The following CCNB3 variants were observed in gnomAD, a reference collection of about 807,000 sequenced individuals.
The protein encoded by CCNB3 is G2/mitotic-specific cyclin-B3.
CCNB3 carries 12 observed loss-of-function variants against 68.0 expected under a neutral mutation model. That is an observed-to-expected ratio of 0.18 (90% CI 0.11 to 0.29). The LOEUF (loss-of-function observed/expected upper bound fraction) is 0.29. CCNB3 is among the 10% of genes least tolerant of loss of function. The pLI is 1.00. For synonymous variants in CCNB3, 354 were observed against 388.9 expected (o/e 0.91, Z 1.06); for missense variants, 904 against 993.1 (o/e 0.91, Z 1.21).
chrX:50,295,941 C>T (rs1936449296), intron 5 of CCNB3, among the ~76,000 whole-genome samples: 1 of 111,155 alleles, frequency 9.0e-6, no homozygotes, highest in South Asian at 3.8e-4. Flanking sequence ...TAGAAAATAA[C>T]ACGCACAGTC....
At chrX:50,204,042 C>A (rs183443107), upstream of CCNB3, among the ~76,000 whole-genome samples, 1 of 111,695 alleles carries the variant, frequency 9.0e-6, no homozygotes, top group Non-Finnish European at 1.9e-5. Context: ...ATTACCTTTT[C>A]CTATTCCTAG....
At chrX:50,222,524 G>A (rs1387001743) in intron 1 of CCNB3, among the ~76,000 whole-genome samples, 1 of 111,484 alleles carries the variant, frequency 9.0e-6, no homozygotes, top group Admixed American at 9.6e-5. Context: ...CTTTGCTTAT[G>A]AAGCTTAGTT....
intron 5 of CCNB3, among the ~76,000 whole-genome samples, chrX:50,301,574 A>AGGG (rs1482642271): frequency 8.9e-6 from 1 of 112,332 alleles, no homozygotes; most frequent in African/African-American, 3.2e-5. Context: ...TAGGCTACTC[A>AGGG]GGGGTCAGGG....
intron 8 of CCNB3, among the ~76,000 whole-genome samples, chrX:50,337,505 A>G (rs1557219011): frequency 9.0e-6 from 1 of 111,033 alleles, no homozygotes; most frequent in Non-Finnish European, 1.9e-5. Context: ...CCTGGCTTAC[A>G]GGTTCCCCTG....
intron 11 of CCNB3, among the ~76,000 whole-genome samples, chrX:50,348,975 G>T (rs1923539995): frequency 8.9e-6 from 1 of 112,851 alleles, no homozygotes; most frequent in African/African-American, 3.2e-5. Flanking sequence ...AACTAAGATA[G>T]AAATATTTCA....
chrX:50,206,286 T>C (rs1935361889), intron 1 of CCNB3, among the ~76,000 whole-genome samples: 1 of 109,775 alleles, frequency 9.1e-6, no homozygotes, highest in African/African-American at 3.3e-5. Flanking sequence ...TATTACTTGG[T>C]AACAGCTGGG....
chrX:50,346,864 C>T, intron 10 of CCNB3, 57 bp downstream of exon 10: 1 of 1,108,093 alleles, frequency 9.0e-7, no homozygotes, highest in Non-Finnish European at 1.2e-6. Context: ...CTCCTTTATA[C>T]CCAGAGTAGC....
At chrX:50,289,266 G>C (rs189333226) in intron 4 of CCNB3, among the ~76,000 whole-genome samples, 1 of 111,391 alleles carries the variant, frequency 9.0e-6, no homozygotes, top group East Asian at 2.8e-4. Flanking sequence ...ATTTTGAGCA[G>C]GACAATTTTT....
chrX:50,309,881 G>T lies in CCNB3; in HGVS notation c.1712G>T (p.Arg571Met). ...TTCTTTATGGAGCCAATGTCATTTA[G>T]GAAGAACCCTACAACTGAGGAGACA... The part of the protein sequence containing the change: ...NSFFMEPMSF[R>M]KNPTTEETVL... The change falls in exon 6 of 13, where the codon AGG becomes ATG. Residue 571 changes from arginine to methionine, a missense_variant. Physicochemically the swap from Arg to Met is moderately conservative, Grantham distance 91. Coordinates refer to ENST00000376042, the MANE Select transcript of CCNB3 (RefSeq NM_033031.3). 1.7e-6 allele frequency: 2 copies of T among 1,210,671 alleles called. No individual in the cohort carries two copies. The highest frequency in any genetic ancestry group is 2.2e-6 in the Non-Finnish European group (2 of 895,004).
intron 5 of CCNB3, 64 bp from the exon 6 acceptor site, chrX:50,308,441 G>A (rs958360259): frequency 3.0e-5 from 22 of 745,293 alleles, no homozygotes; most frequent in Non-Finnish European, 1.9e-5. Context: ...AGCAACAAAA[G>A]GAAATGGTAG....
At chrX:50,226,388 A>G (rs1449212770) in intron 1 of CCNB3, among the ~76,000 whole-genome samples, 1,128 of 61,004 alleles carry the variant, frequency 0.018, 34 homozygotes, top group African/African-American at 0.08. Flanking sequence ...ATATATATAT[A>G]GAATATATAT....
intron 5 of CCNB3, among the ~76,000 whole-genome samples, chrX:50,308,167 G>C: frequency 8.9e-6 from 1 of 112,415 alleles, no homozygotes; most frequent in Non-Finnish European, 1.9e-5. Flanking sequence ...AATGCAGCTA[G>C]TGAAGGAGAC....
intron 1 of CCNB3, among the ~76,000 whole-genome samples, chrX:50,228,235 C>G (rs1248797445): frequency 1.2e-5 from 1 of 82,280 alleles, no homozygotes; most frequent in South Asian, 5.3e-4. Flanking sequence ...TAAATACATA[C>G]ATAGAATATA....
At chrX:50,279,056 A>G (rs1434771112) in intron 1 of CCNB3, among the ~76,000 whole-genome samples, 2 of 59,031 alleles carry the variant, frequency 3.4e-5, no homozygotes, top group South Asian at 3.3e-3. Context: ...TTGAATATAT[A>G]TAGAATATAT....
chrX:50,285,251 T>C lies in CCNB3; in HGVS notation c.88T>C (p.Ser30Pro). ...SKIVPSHHDPSEKTGENCQTK... is the reference protein window; with the variant it reads ...SKIVPSHHDPPEKTGENCQTK... ...AATTGTGCCCAGTCATCATGACCCA[T>C]CTGAAAAGGTTAGAGCAAGCTGTCT... Residue 30 changes from serine (S) to proline (P), a missense_variant, in exon 3 of 13, where the codon TCT (serine) becomes CCT (proline). Ser to Pro is a moderately conservative substitution (Grantham distance 74). Around this residue, in one of 2 missense-constraint regions of CCNB3, gnomAD observed 619 missense variants for 609.8 expected, o/e 1.02. Transcript: ENST00000376042. 1 of 1,200,950 alleles carries C rather than the reference T, an allele frequency of 8.3e-7. No individual in the cohort carries two copies. Among genetic ancestry groups the C allele is most frequent in the Non-Finnish European group, 1.1e-6 (1 of 885,882 alleles).
intron 11 of CCNB3, among the ~76,000 whole-genome samples, chrX:50,350,350 A>T (rs1383166084): frequency 8.9e-6 from 1 of 111,831 alleles, no homozygotes; most frequent in African/African-American, 3.3e-5. Context: ...AGGTCCCAAG[A>T]GGTTAATTAA....
intron 1 of CCNB3, among the ~76,000 whole-genome samples, chrX:50,213,730 A>G (rs1935519064): frequency 9.0e-6 from 1 of 111,687 alleles, no homozygotes; most frequent in Non-Finnish European, 1.9e-5. Flanking sequence ...TGGGTGTGTT[A>G]TAGCAGTGTG....
At chrX:50,340,387 T>C (rs1923063375) in intron 8 of CCNB3, among the ~76,000 whole-genome samples, 1 of 112,503 alleles carries the variant, frequency 8.9e-6, no homozygotes, top group South Asian at 3.7e-4. Context: ...AAAGAGAACA[T>C]TCATGCATTG....
intron 1 of CCNB3, among the ~76,000 whole-genome samples, chrX:50,212,259 T>A (rs1935495778): frequency 8.9e-6 from 1 of 111,802 alleles, no homozygotes; most frequent in Non-Finnish European, 1.9e-5. Context: ...TACTAGTAAA[T>A]CCTTAACGAT....
Sources: allele counts gnomAD v4.1 joint callset (sites outside exome capture counted in the v4.1 genomes callset), GRCh38; gene constraint gnomAD v4.1.1; regional missense constraint gnomAD v4.1.1; transcripts MANE v1.5; gene names NCBI Gene and HGNC (gene_info 2026-07-23, HGNC 2026-07-21).